The following FAM20A variants were observed in gnomAD, a reference collection of about 807,000 sequenced individuals.
FAM20A encodes the protein pseudokinase FAM20A.
FAM20A carries 42 observed loss-of-function variants against 52.0 expected under a neutral mutation model. That is an observed-to-expected ratio of 0.81 (90% CI 0.63 to 1.04). FAM20A has a LOEUF of 1.04. Among genes scored for constraint, FAM20A ranks in the 50% least tolerant of loss-of-function variants. The pLI, the probability that FAM20A is intolerant of heterozygous loss-of-function variation, is 0.00. For synonymous variants in FAM20A, 304 were observed against 298.9 expected (o/e 1.02, Z -0.18); for missense variants, 742 against 712.7 (o/e 1.04, Z -0.47).
At position 68,597,795 on chromosome 17, in the gene FAM20A, T is replaced by C. The variant is rs559543953; in HGVS notation, c.404+2468A>G. On this transcript the variant is annotated intron_variant, in intron 1 of 10. Transcript: ENST00000592554. ...CAAGGTCCTTCATTGTTTCTTCCTCTGCTGTCCATTCTATTTATTTGTCTG... is the reference window on the plus strand; with the variant it reads ...CAAGGTCCTTCATTGTTTCTTCCTCCGCTGTCCATTCTATTTATTTGTCTG... Among the ~76,000 whole-genome samples, 32 of 152,294 alleles carry C rather than the reference T, an allele frequency of 2.1e-4. No individual in the cohort carries two copies. In the South Asian group the frequency reaches 6.4e-3, roughly 31 times the overall value.
intron 1 of FAM20A, among the ~76,000 whole-genome samples, chr17:68,569,647 G>A (rs73363274): frequency 0.033 from 4,985 of 152,264 alleles, 267 homozygotes; most frequent in African/African-American, 0.11. Context: ...GTAACTAGTG[G>A]CTACCCTTTT....
chr17:68,583,389 T>C (rs983408320), intron 1 of FAM20A, among the ~76,000 whole-genome samples: 1 of 152,120 alleles, frequency 6.6e-6, no homozygotes, highest in African/African-American at 2.4e-5. Context: ...CCTTCTTTGC[T>C]GTTTCTGTCT....
intron 4 of FAM20A, among the ~76,000 whole-genome samples, chr17:68,548,073 G>A (rs1169580132): frequency 1.3e-5 from 2 of 152,084 alleles, no homozygotes; most frequent in Non-Finnish European, 2.9e-5. Context: ...GAGAGATTGG[G>A]GGAACAGCAA....
At position 68,554,811 on chromosome 17, in the gene FAM20A, C is replaced by G. The variant is rs1445116347; in HGVS notation, c.606G>C (p.Glu202Asp). The change falls in exon 3 of 11, where the codon GAG becomes GAC. Residue 202 changes from glutamate to aspartate, a missense_variant. Physicochemically the swap from Glu to Asp is conservative, Grantham distance 45. Transcript: ENST00000592554. ...AGTCACATGCCCCCAGCAAGGCTTTCTCATCTTGACTGTAATCTGCAAAGG... is the reference window on the plus strand; with the variant it reads ...AGTCACATGCCCCCAGCAAGGCTTTGTCATCTTGACTGTAATCTGCAAAGG... ...PTISADYSQD[E>D]KALLGACDCT... 1 of 1,614,156 alleles carries G rather than the reference C, an allele frequency of 6.2e-7. No homozygotes were observed. Among genetic ancestry groups the G allele is most frequent in the East Asian group, 2.2e-5 (1 of 44,882 alleles).
chr17:68,556,860 T>C (rs960640171), intron 1 of FAM20A, among the ~76,000 whole-genome samples: 3 of 152,110 alleles, frequency 2.0e-5, no homozygotes, highest in African/African-American at 7.2e-5. Context: ...ACTGTGATAG[T>C]ATACCTTGGG....
In FAM20A at chr17:68,538,491, T is replaced by A. The variant is rs1389568798; in HGVS notation, c.1362-750A>T. Among the ~76,000 whole-genome samples the A allele has an allele frequency of 2.0e-5, 3 of 152,260 alleles. No homozygotes were observed. In the East Asian group the frequency reaches 5.8e-4, roughly 29 times the overall value. The stretch of plus-strand genomic sequence containing the variant: ...CATATTTATAATTAGCTCTGCATAC[T>A]GCAGCTGAGCAGGTGGTCAATTTTA... On this transcript the variant is annotated intron_variant, in intron 10 of 10. Coordinates refer to ENST00000592554, the MANE Select transcript of FAM20A (RefSeq NM_017565.4).
rs34025800 is a variant in FAM20A, at chr17:68,582,780, A to ATTTTTTT, written c.404+17476_404+17482dup. Among the ~76,000 whole-genome samples the ATTTTTTT allele has an allele frequency of 6.3e-5, 5 of 79,808 alleles. 1 individual carries two copies. Among genetic ancestry groups the ATTTTTTT allele is most frequent in the Non-Finnish European group, 8.8e-5 (4 of 45,614 alleles). The allele number at this position is 79,808 out of a possible 152,430, so 52.4% of individuals were successfully genotyped here. A position where few individuals can be genotyped will look rare whatever the true frequency, so the allele number is the denominator to read the frequency against. On this transcript the variant is annotated intron_variant, in intron 1 of 10. Transcript: ENST00000592554. ...CGCTTATGTGGAAGAGCCAGGATTA[A>ATTTTTTT]TTTTTTTTTTTTTTTTTTTTTTTTT...
chr17:68,539,466 C>T (rs1044385002), intron 9 of FAM20A, 70 bp from the exon 10 acceptor site: 12 of 1,383,398 alleles, frequency 8.7e-6, no homozygotes, highest in Admixed American at 8.4e-5. Context: ...CTTCCTCTCT[C>T]CTCTCAGCAT....
Position 68,581,348 on chromosome 17 carries a change from G to GTT in FAM20A, c.404+18913_404+18914dup, listed in dbSNP as rs1238937156. Among the ~76,000 whole-genome samples the GTT allele has an allele frequency of 3.3e-3, 246 of 75,068 alleles. 1 individual carries two copies. Among genetic ancestry groups the GTT allele is most frequent in the African/African-American group, 0.012 (233 of 19,614 alleles). The allele number at this position is 75,068 out of a possible 152,430, so 49.2% of individuals were successfully genotyped here. A position where few individuals can be genotyped will look rare whatever the true frequency, so the allele number is the denominator to read the frequency against. On this transcript the variant is annotated intron_variant, in intron 1 of 10. Transcript: ENST00000592554. The stretch of plus-strand genomic sequence containing the variant: ...GTTGAAAAGGTATCTCCGAAATGCA[G>GTT]TTTTTCTTTCTTTCTTTCTTTCTTT...
chr17:68,543,566 A>G, intron 5 of FAM20A, 63 bp downstream of exon 5: 1 of 1,449,106 alleles, frequency 6.9e-7, no homozygotes, highest in Non-Finnish European at 9.7e-7. Flanking sequence ...GGGTCTGTCT[A>G]GCCACCCCTC....
At chr17:68,561,620 TC>T (rs1359020203) in intron 1 of FAM20A, among the ~76,000 whole-genome samples, 2 of 150,478 alleles carry the variant, frequency 1.3e-5, no homozygotes, top group African/African-American at 2.5e-5. Context: ...TAAAGAGTTT[TC>T]CTATATAGTC....
chr17:68,592,872 G>T (rs2088351497), intron 1 of FAM20A, among the ~76,000 whole-genome samples: 1 of 152,174 alleles, frequency 6.6e-6, no homozygotes, highest in Admixed American at 6.5e-5. Context: ...AATAAAACAG[G>T]CTTTTCCCTG....
At chr17:68,578,871 T>G (rs2087854987) in intron 1 of FAM20A, among the ~76,000 whole-genome samples, 1 of 91,194 alleles carries the variant, frequency 1.1e-5, no homozygotes, top group Non-Finnish European at 2.2e-5. Context: ...AAAAAATTAC[T>G]GGGCGTGGTG....
intron 1 of FAM20A, among the ~76,000 whole-genome samples, chr17:68,591,558 A>G (rs1056501568): frequency 2.0e-5 from 3 of 152,262 alleles, no homozygotes; most frequent in Admixed American, 6.5e-5. Context: ...TACTTAAAAA[A>G]TATAATGACT....
At chr17:68,594,871 G>A (rs988344257) in intron 1 of FAM20A, among the ~76,000 whole-genome samples, 1 of 152,158 alleles carries the variant, frequency 6.6e-6, no homozygotes, top group South Asian at 2.1e-4. Flanking sequence ...ATTAGGTCAC[G>A]CTAACCAGAT....
At chr17:68,559,103 A>G (rs559769528) in intron 1 of FAM20A, among the ~76,000 whole-genome samples, 6 of 152,308 alleles carry the variant, frequency 3.9e-5, no homozygotes, top group African/African-American at 1.4e-4. Context: ...ACATTATCCC[A>G]GACTTCTGAC....
At chr17:68,573,539 T>C (rs2087635022) in intron 1 of FAM20A, among the ~76,000 whole-genome samples, 1 of 149,938 alleles carries the variant, frequency 6.7e-6, no homozygotes, top group East Asian at 1.9e-4. Context: ...TTCCTTCCTT[T>C]CTTTCCTTTC....
intron 4 of FAM20A, among the ~76,000 whole-genome samples, chr17:68,548,386 C>T (rs998519492): frequency 2.4e-4 from 37 of 152,208 alleles, no homozygotes; most frequent in African/African-American, 8.2e-4. Flanking sequence ...AAAAATTAGC[C>T]AGGTGTGGTG....
intron 1 of FAM20A, among the ~76,000 whole-genome samples, chr17:68,572,899 AC>A (rs2087605240): frequency 6.6e-6 from 1 of 152,130 alleles, no homozygotes; most frequent in Admixed American, 6.5e-5. Context: ...GGAAGTCCAA[AC>A]AAAGCTCTGA....
Sources: gnomAD v4.1 joint callset for allele counts (sites outside exome capture counted in the v4.1 genomes callset) on GRCh38, gnomAD v4.1.1 for gene constraint, MANE v1.5 for transcripts, NCBI Gene and HGNC (gene_info 2026-07-23, HGNC 2026-07-21) for gene names.